Variants in RPS6KC1 observed in about 807,000 individuals in gnomAD.
RPS6KC1 encodes the protein ribosomal protein S6 kinase C1, also known as inactive ribosomal protein S6 kinase delta-1.
RPS6KC1 carries 54 observed loss-of-function variants against 103.8 expected under a neutral mutation model. The ratio of observed to expected loss-of-function variants is 0.52; its 90% CI spans 0.42 to 0.65. The LOEUF (loss-of-function observed/expected upper bound fraction) is 0.65, where lower values mean the gene tolerates loss of function less well. Among genes scored for constraint, RPS6KC1 ranks in the 30% least tolerant of loss-of-function variants. The probability of loss-of-function intolerance (pLI) is 0.00; values close to 1 mark genes in which losing one functional copy is unlikely to be tolerated. For missense variants in RPS6KC1, 1,151 were observed against 1,253.8 expected, an observed-to-expected ratio of 0.92 and a Z score of 1.24; for synonymous variants, 439 against 438.7, an observed-to-expected ratio of 1.00 and a Z score of -0.01.
intron 8 of RPS6KC1, among the ~76,000 whole-genome samples, chr1:213,207,864 G>T (rs1260636862): frequency 6.6e-6 from 1 of 151,984 alleles, no homozygotes; most frequent in Non-Finnish European, 1.5e-5. Context: ...GTAGAGACAG[G>T]GTTTCACCAT....
At chr1:213,702,689 A>G in the RPS6KC1 span, among the ~76,000 whole-genome samples, 1 of 151,744 alleles carries the variant, frequency 6.6e-6, no homozygotes. Flanking sequence ...TCTTCTTACA[A>G]TTTTTTTCTT....
the RPS6KC1 span, among the ~76,000 whole-genome samples, chr1:213,286,424 CT>C: frequency 6.6e-6 from 1 of 152,162 alleles, no homozygotes; most frequent in African/African-American, 2.4e-5. Context: ...GGCAAAAGGA[CT>C]CAGAGCCTCC....
At chr1:213,403,264 C>A in the RPS6KC1 span, among the ~76,000 whole-genome samples, 1 of 152,150 alleles carries the variant, frequency 6.6e-6, no homozygotes, top group African/African-American at 2.4e-5. Flanking sequence ...ACTTTTTGGG[C>A]CTTCTGGCTT....
chr1:213,312,814 A>G, the RPS6KC1 span, among the ~76,000 whole-genome samples: 2 of 152,224 alleles, frequency 1.3e-5, no homozygotes, highest in Non-Finnish European at 2.9e-5. Context: ...TTAACATAGC[A>G]TTCTTACAGT....
chr1:213,218,438 A>C (rs915926912), intron 8 of RPS6KC1, among the ~76,000 whole-genome samples: 8 of 152,188 alleles, frequency 5.3e-5, no homozygotes, highest in Admixed American at 1.3e-4. Context: ...GAAAATGGCC[A>C]TACTGCCCAA....
chr1:213,575,244 C>T, the RPS6KC1 span, among the ~76,000 whole-genome samples: 1 of 152,100 alleles, frequency 6.6e-6, no homozygotes, highest in Non-Finnish European at 1.5e-5. Flanking sequence ...GTGTGCCTGG[C>T]ACATGGCACT....
At chr1:213,356,314 T>C in the RPS6KC1 span, among the ~76,000 whole-genome samples, 1 of 152,234 alleles carries the variant, frequency 6.6e-6, no homozygotes, top group Non-Finnish European at 1.5e-5. Context: ...TCCCCAGGAT[T>C]GAAAAGCGTT....
chr1:213,162,820 G>C (rs1360032324), intron 6 of RPS6KC1, among the ~76,000 whole-genome samples: 2 of 152,186 alleles, frequency 1.3e-5, no homozygotes, highest in Non-Finnish European at 2.9e-5. Context: ...CATTGCCTGG[G>C]CATCAATATT....
At chr1:213,723,244 T>C in the RPS6KC1 span, among the ~76,000 whole-genome samples, 2 of 152,218 alleles carry the variant, frequency 1.3e-5, no homozygotes, top group African/African-American at 4.8e-5. Flanking sequence ...TGCTTCAAAC[T>C]AATGAAATTC....
At chr1:213,177,382 C>T (rs2091942349) in intron 8 of RPS6KC1, among the ~76,000 whole-genome samples, 1 of 152,058 alleles carries the variant, frequency 6.6e-6, no homozygotes, top group African/African-American at 2.4e-5. Flanking sequence ...TATGAAGCAC[C>T]TTAATGTTCA....
the RPS6KC1 span, among the ~76,000 whole-genome samples, chr1:213,379,413 A>C: frequency 6.6e-6 from 1 of 152,198 alleles, no homozygotes; most frequent in Non-Finnish European, 1.5e-5. Context: ...ATGAAAGCAG[A>C]GATTGAAGTG....
chr1:213,190,689 C>G (rs964226269), intron 8 of RPS6KC1, among the ~76,000 whole-genome samples: 3 of 152,116 alleles, frequency 2.0e-5, no homozygotes, highest in African/African-American at 7.2e-5. Flanking sequence ...GCTTTGGTTG[C>G]CTGCGCTTGT....
the RPS6KC1 span, among the ~76,000 whole-genome samples, chr1:213,551,058 A>G: frequency 6.6e-6 from 1 of 152,198 alleles, no homozygotes; most frequent in African/African-American, 2.4e-5. Context: ...AAACAACCCT[A>G]AACCTCAGGG....
At chr1:213,552,283 A>C in the RPS6KC1 span, among the ~76,000 whole-genome samples, 1 of 152,258 alleles carries the variant, frequency 6.6e-6, no homozygotes. Flanking sequence ...AAACAAACAA[A>C]AACCACTGAC....
chr1:213,169,672 TG>T (rs941107153), intron 7 of RPS6KC1, among the ~76,000 whole-genome samples: 3 of 152,168 alleles, frequency 2.0e-5, no homozygotes, highest in South Asian at 2.1e-4. Flanking sequence ...AATTTCATTT[TG>T]GGGGGGCATT....
chr1:213,390,325 A>G, the RPS6KC1 span, among the ~76,000 whole-genome samples: 1 of 152,194 alleles, frequency 6.6e-6, no homozygotes. Flanking sequence ...GAGAGCTGCT[A>G]TTTGAAATAA....
At chr1:213,238,222 A>G (rs1558603678) in intron 10 of RPS6KC1, among the ~76,000 whole-genome samples, 1 of 152,178 alleles carries the variant, frequency 6.6e-6, no homozygotes, top group Admixed American at 6.6e-5. Context: ...TGTCCAGTTA[A>G]GGGATACAAA....
At chr1:213,067,829 G>A (rs2078464793) in intron 1 of RPS6KC1, among the ~76,000 whole-genome samples, 1 of 152,252 alleles carries the variant, frequency 6.6e-6, no homozygotes, top group African/African-American at 2.4e-5. Flanking sequence ...TAATATTGTG[G>A]CTATTGTTAG....
chr1:213,622,135 A>G, the RPS6KC1 span, among the ~76,000 whole-genome samples: 1 of 152,136 alleles, frequency 6.6e-6, no homozygotes, highest in Non-Finnish European at 1.5e-5. Context: ...AAATACTTGA[A>G]ATGTTCCCCC....
Sources: gnomAD v4.1 joint callset for allele counts (sites outside exome capture counted in the v4.1 genomes callset) on GRCh38, gnomAD v4.1.1 for gene constraint, MANE v1.5 for transcripts, NCBI Gene and HGNC (gene_info 2026-07-23, HGNC 2026-07-21) for gene names.